Variants in DPP3 observed in about 807,000 individuals in gnomAD.
The protein encoded by DPP3 is dipeptidyl peptidase 3.
In DPP3, 64 loss-of-function variants were observed where a neutral mutation model predicts 89.8. The ratio of observed to expected loss-of-function variants is 0.71; its 90% CI spans 0.58 to 0.88. The LOEUF is 0.88. Ranked by LOEUF, DPP3 falls within the 40% of genes least tolerant of loss-of-function variation. DPP3 has a pLI of 0.00. For synonymous variants in DPP3, 377 were observed against 404.3 expected (o/e 0.93, Z 0.81); for missense variants, 835 against 972.5 (o/e 0.86, Z 1.88).
chr11:66,495,647 G>A lies in DPP3; in HGVS notation c.1595G>A (p.Gly532Glu), dbSNP rs1347278494. 3 of 1,614,042 alleles carry A rather than the reference G, an allele frequency of 1.9e-6. No individual in the cohort carries two copies. Among genetic ancestry groups the A allele is most frequent in the Non-Finnish European group, 2.5e-6 (3 of 1,180,028 alleles). The change falls in exon 15 of 18, where the codon GGG becomes GAG. Residue 532 changes from glycine to glutamate, a missense_variant. Coordinates refer to ENST00000531863, the MANE Select transcript of DPP3 (RefSeq NM_130443.4). ...TCTCACAGGATCTTTGGCTTTGAGG[G>A]GGCTGATGCGGAGGACGTGATCTAC... ...PQVLEIFGFE[G>E]ADAEDVIYVN...
chr11:66,486,423 C>A (rs994381083), intron 3 of DPP3, 117 bp from the exon 4 acceptor site: 36 of 1,294,092 alleles, frequency 2.8e-5, no homozygotes, highest in Non-Finnish European at 3.3e-5. Context: ...GGTCCATGGA[C>A]CACACAATGA....
At chr11:66,487,873 C>T in intron 5 of DPP3, 41 bp from the exon 6 acceptor site, 1 of 1,597,428 alleles carries the variant, frequency 6.3e-7, no homozygotes, top group Non-Finnish European at 8.6e-7. Flanking sequence ...CCACTGCCCT[C>T]TCCAGACTTC....
intron 12 of DPP3, 59 bp downstream of exon 12, chr11:66,493,692 GC>G: frequency 2.0e-6 from 3 of 1,519,632 alleles, no homozygotes; most frequent in Non-Finnish European, 2.7e-6. Context: ...CCCACAACCT[GC>G]CCTACCCAGC....
chr11:66,505,524 T>G (rs1340788978), intron 17 of DPP3, among the ~76,000 whole-genome samples: 1 of 152,226 alleles, frequency 6.6e-6, no homozygotes, highest in Non-Finnish European at 1.5e-5. Context: ...GAATTCCTTC[T>G]TAGAGTTTCT....
At position 66,480,636 on chromosome 11, in the gene DPP3, C is replaced by A; in HGVS notation, c.-9+171C>A. 3 of 714,230 alleles carry A rather than the reference C, an allele frequency of 4.2e-6. No individual in the cohort carries two copies. The South Asian group carries it at 9.2e-5, about 22-fold the overall frequency. 44.2% of individuals were successfully genotyped at this position (714,230 alleles called of 1,614,324 possible). Reference sequence around the variant, plus strand: ...GCTCCGGGGAGCAAAGAGTTAACAGCCCTTTCCGAACCTCGAGGCTGTGCT... The same window carrying A: ...GCTCCGGGGAGCAAAGAGTTAACAGACCTTTCCGAACCTCGAGGCTGTGCT... On this transcript the variant is annotated intron_variant, in intron 1 of 17. Transcript: ENST00000531863.
intron 3 of DPP3, among the ~76,000 whole-genome samples, chr11:66,486,036 G>A (rs558239726): frequency 3.7e-4 from 56 of 152,064 alleles, no homozygotes; most frequent in Middle Eastern, 3.4e-3. Context: ...CAACTTCCTA[G>A]GCTCAGGTGA....
At chr11:66,481,321 TC>T (rs2134712792) in intron 1 of DPP3, among the ~76,000 whole-genome samples, 1 of 152,264 alleles carries the variant, frequency 6.6e-6, no homozygotes, top group East Asian at 1.9e-4. Context: ...AGACCCCGTC[TC>T]TATCAAAAAT....
At chr11:66,497,565 C>G in intron 16 of DPP3, 88 bp downstream of exon 16, 1 of 1,490,800 alleles carries the variant, frequency 6.7e-7, no homozygotes, top group Non-Finnish European at 9.0e-7. Flanking sequence ...AAGCTGTGAG[C>G]AGTTTCTTAT....
intron 2 of DPP3, 131 bp downstream of exon 2, chr11:66,482,601 C>T: frequency 7.6e-7 from 1 of 1,319,308 alleles, no homozygotes; most frequent in East Asian, 2.5e-5. Context: ...GGCACTTCCC[C>T]TCTCTGGAGC....
intron 15 of DPP3, among the ~76,000 whole-genome samples, chr11:66,496,037 G>A (rs540417984): frequency 1.6e-4 from 24 of 152,186 alleles, no homozygotes; most frequent in African/African-American, 3.9e-4. Context: ...AATTCTAAAC[G>A]CCCTCCATGA....
chr11:66,492,264 T>C (rs1324804287), intron 9 of DPP3, among the ~76,000 whole-genome samples: 3 of 152,276 alleles, frequency 2.0e-5, no homozygotes, highest in East Asian at 3.9e-4. Context: ...CATCCCAGGC[T>C]GGTGGCAGGC....
chr11:66,481,469 A>G (rs1055236023), intron 1 of DPP3, among the ~76,000 whole-genome samples: 5 of 151,560 alleles, frequency 3.3e-5, no homozygotes, highest in African/African-American at 1.2e-4. Context: ...CAGCCTGGGC[A>G]ACTAAGTGAG....
intron 3 of DPP3, among the ~76,000 whole-genome samples, chr11:66,485,637 G>A (rs1240759163): frequency 6.6e-6 from 1 of 152,192 alleles, no homozygotes. Context: ...TCGGGCAGAG[G>A]TGGTTCTTAT....
intron 16 of DPP3, among the ~76,000 whole-genome samples, chr11:66,502,056 G>C (rs1395586087): frequency 6.6e-6 from 1 of 151,788 alleles, no homozygotes; most frequent in Non-Finnish European, 1.5e-5. Flanking sequence ...AGCTGGGCGT[G>C]GTGGTGCACA....
chr11:66,484,601 G>C (rs1265870501), intron 2 of DPP3, among the ~76,000 whole-genome samples: 2 of 152,060 alleles, frequency 1.3e-5, no homozygotes, highest in Non-Finnish European at 2.9e-5. Flanking sequence ...AAGGATGGTG[G>C]TTTCTCAGAC....
intron 17 of DPP3, among the ~76,000 whole-genome samples, chr11:66,506,607 G>A (rs1855808832): frequency 6.6e-6 from 1 of 151,876 alleles, no homozygotes; most frequent in South Asian, 2.1e-4. Flanking sequence ...ATGCTCTCCA[G>A]AGGCTTCCTG....
chr11:66,487,789 C>A, intron 5 of DPP3, 125 bp from the exon 6 acceptor site: 2 of 816,722 alleles, frequency 2.4e-6, no homozygotes, highest in Non-Finnish European at 3.9e-6. Context: ...TGCTCCCAGC[C>A]AACCCAGAAG....
intron 12 of DPP3, among the ~76,000 whole-genome samples, 179 bp downstream of exon 12, chr11:66,493,812 C>A (rs1855460743): frequency 6.6e-6 from 1 of 152,204 alleles, no homozygotes; most frequent in Non-Finnish European, 1.5e-5. Context: ...GTCCCAGGAG[C>A]TCAGATGCCT....
chr11:66,504,529 C>CACA, intron 16 of DPP3, 83 bp from the exon 17 acceptor site: 2 of 1,478,668 alleles, frequency 1.4e-6, no homozygotes, highest in Non-Finnish European at 1.8e-6. Context: ...CAGGGCTGAC[C>CACA]ACAATCAGCT....
Sources: gnomAD v4.1 joint callset for allele counts (sites outside exome capture counted in the v4.1 genomes callset) on GRCh38, gnomAD v4.1.1 for gene constraint, MANE v1.5 for transcripts, NCBI Gene and HGNC (gene_info 2026-07-23, HGNC 2026-07-21) for gene names.